Variants in MEGF9 observed in about 807,000 individuals in gnomAD.
MEGF9 encodes the protein multiple epidermal growth factor-like domains protein 9.
MEGF9 carries 6 observed loss-of-function variants against 46.8 expected under a neutral mutation model. The observed-to-expected ratio is 0.13, with a 90% CI of 0.07 to 0.25. MEGF9 has a LOEUF of 0.25. Ranked by LOEUF, MEGF9 falls within the 10% of genes least tolerant of loss-of-function variation. The probability of loss-of-function intolerance (pLI) is 1.00; values close to 1 mark genes in which losing one functional copy is unlikely to be tolerated. For synonymous variants in MEGF9, 302 were observed against 330.7 expected (o/e 0.91, Z 0.94); for missense variants, 683 against 792.4 (o/e 0.86, Z 1.66).
intron 1 of MEGF9, among the ~76,000 whole-genome samples, chr9:120,712,048 G>GGAGTTCCT (rs1480909156): frequency 2.0e-5 from 3 of 152,146 alleles, no homozygotes; most frequent in Non-Finnish European, 4.4e-5. Context: ...CTTGAGTTCA[G>GGAGTTCCT]GAACTCAAGA....
intron 1 of MEGF9, among the ~76,000 whole-genome samples, chr9:120,683,391 G>A (rs955672277): frequency 5.3e-5 from 8 of 152,200 alleles, no homozygotes; most frequent in African/African-American, 1.9e-4. Context: ...TCCATGTGTT[G>A]AGGGAGGGAC....
rs532637433 is a variant in MEGF9, at chr9:120,679,283, A to G, written c.602-19708T>C. Among the ~76,000 whole-genome samples the G allele has an allele frequency of 4.6e-5, 7 of 152,352 alleles. No individual in the cohort carries two copies. The South Asian group carries it at 1.4e-3, about 32-fold the overall frequency. The stretch of plus-strand genomic sequence containing the variant: ...ATGTGGCACATATACACCATGGAAT[A>G]CTATGCAGCCATAAAAAATGATGAG... On this transcript the variant is annotated intron_variant, in intron 1 of 5. Transcript: ENST00000373930.
At position 120,627,616 on chromosome 9, in the gene MEGF9, T is replaced by C. The variant is rs552588358; in HGVS notation, c.804-4861A>G. Among the ~76,000 whole-genome samples the C allele has an allele frequency of 2.1e-3, 317 of 152,126 alleles. 2 individuals carry two copies. Among genetic ancestry groups the C allele is most frequent in the African/African-American group, 7.2e-3 (299 of 41,482 alleles). On this transcript the variant is annotated intron_variant, in intron 2 of 5. Transcript: ENST00000373930. ...TAGCTGGGACTACAGGCATGCACTA[T>C]CACGCCCGGCTAATTTTTGTATTTT...
chr9:120,671,198 T>C (rs568884970), intron 1 of MEGF9, among the ~76,000 whole-genome samples: 195 of 152,326 alleles, frequency 1.3e-3, no homozygotes, highest in African/African-American at 4.2e-3. Flanking sequence ...GATTTTACTA[T>C]GATCAAGTCC....
chr9:120,628,012 A>G (rs1038329004), intron 2 of MEGF9, among the ~76,000 whole-genome samples: 16 of 152,370 alleles, frequency 1.1e-4, no homozygotes, highest in Admixed American at 7.8e-4. Context: ...GACTGAAACT[A>G]GTAATTAAAA....
chr9:120,687,700 GT>G (rs2043829475), intron 1 of MEGF9, among the ~76,000 whole-genome samples: 1 of 150,142 alleles, frequency 6.7e-6, no homozygotes, highest in Non-Finnish European at 1.5e-5. Flanking sequence ...GTGTGTGTGT[GT>G]GTGTGTGTAA....
chr9:120,634,991 T>TAA (rs1382490049), intron 2 of MEGF9, among the ~76,000 whole-genome samples: 1 of 152,244 alleles, frequency 6.6e-6, no homozygotes, highest in African/African-American at 2.4e-5. Flanking sequence ...GCATTTCATG[T>TAA]AAGGCTGTTC....
At chr9:120,667,501 A>T (rs1249146082) in intron 1 of MEGF9, among the ~76,000 whole-genome samples, 2 of 152,224 alleles carry the variant, frequency 1.3e-5, no homozygotes, top group African/African-American at 2.4e-5. Flanking sequence ...ATTGATCATT[A>T]AAAACCCTAC....
intron 4 of MEGF9, among the ~76,000 whole-genome samples, chr9:120,610,750 A>T (rs1435361756): frequency 6.6e-6 from 1 of 152,202 alleles, no homozygotes; most frequent in Non-Finnish European, 1.5e-5. Flanking sequence ...TGGGAGGTAT[A>T]GAAAAGTCTT....
chr9:120,616,603 C>T (rs983745739), intron 3 of MEGF9, among the ~76,000 whole-genome samples: 7 of 146,896 alleles, frequency 4.8e-5, no homozygotes, highest in Non-Finnish European at 1.0e-4. Flanking sequence ...GGCGTGAATC[C>T]GGGAGGCGGA....
At chr9:120,614,934 C>CAT (rs778830371) in intron 3 of MEGF9, among the ~76,000 whole-genome samples, 28 of 151,842 alleles carry the variant, frequency 1.8e-4, no homozygotes, top group Admixed American at 1.2e-3. Flanking sequence ...TACATACATA[C>CAT]ATATATATAT....
chr9:120,667,707 T>C (rs887686204), intron 1 of MEGF9, among the ~76,000 whole-genome samples: 2 of 152,172 alleles, frequency 1.3e-5, no homozygotes, highest in Non-Finnish European at 2.9e-5. Flanking sequence ...AACCTCTTCA[T>C]GTACATCGAA....
At chr9:120,641,221 T>C (rs1327654151) in intron 2 of MEGF9, among the ~76,000 whole-genome samples, 1 of 152,168 alleles carries the variant, frequency 6.6e-6, no homozygotes, top group African/African-American at 2.4e-5. Flanking sequence ...AAATAGAATA[T>C]TCATTCTAGG....
At chr9:120,626,011 C>A (rs1248220196) in intron 2 of MEGF9, among the ~76,000 whole-genome samples, 5 of 147,838 alleles carry the variant, frequency 3.4e-5, no homozygotes, top group Admixed American at 6.7e-5. Context: ...GCAATGAAAC[C>A]AAAAAAGAAA....
At chr9:120,704,320 C>T (rs1012747980) in intron 1 of MEGF9, among the ~76,000 whole-genome samples, 1 of 150,444 alleles carries the variant, frequency 6.6e-6, no homozygotes, top group South Asian at 2.1e-4. Context: ...GGCGACAGAG[C>T]GAGACTGTGT....
intron 1 of MEGF9, among the ~76,000 whole-genome samples, chr9:120,697,307 T>G (rs1352896990): frequency 1.3e-5 from 2 of 152,208 alleles, no homozygotes; most frequent in African/African-American, 4.8e-5. Context: ...GGTCTCAAAC[T>G]CCTGGGCTCA....
chr9:120,692,893 A>G (rs1475904659), intron 1 of MEGF9, among the ~76,000 whole-genome samples: 1 of 152,110 alleles, frequency 6.6e-6, no homozygotes, highest in Non-Finnish European at 1.5e-5. Flanking sequence ...TCATCCCCTA[A>G]AAGTCTGGGT....
chr9:120,675,586 C>T lies in MEGF9; in HGVS notation c.602-16011G>A, dbSNP rs185723455. ...CCAGCCTGGGCAACAGAGTGAGACC[C>T]TGTCTCAAAAAAAAATTACTGGCCA... On this transcript the variant is annotated intron_variant, in intron 1 of 5. Coordinates refer to ENST00000373930, the MANE Select transcript of MEGF9 (RefSeq NM_001080497.3). Among the ~76,000 whole-genome samples the T allele has an allele frequency of 4.2e-3, 641 of 151,752 alleles. 5 individuals are homozygous for T. The highest frequency in any genetic ancestry group is 0.015 in the African/African-American group (605 of 41,374).
chr9:120,686,158 C>T (rs1450141399), intron 1 of MEGF9, among the ~76,000 whole-genome samples: 2 of 148,884 alleles, frequency 1.3e-5, no homozygotes, highest in East Asian at 2.0e-4. Flanking sequence ...AGCGTGATCT[C>T]GGCTCACTGC....
Sources: allele counts gnomAD v4.1 joint callset (sites outside exome capture counted in the v4.1 genomes callset), GRCh38; gene constraint gnomAD v4.1.1; transcripts MANE v1.5; gene names NCBI Gene and HGNC (gene_info 2026-07-23, HGNC 2026-07-21).